HMCN1: variants seen among roughly 807,000 people sequenced by gnomAD.
The protein encoded by HMCN1 is hemicentin 1, also known as hemicentin-1.
A neutral mutation model predicts 625.9 loss-of-function variants in HMCN1; 321 were observed. The observed-to-expected ratio is 0.51, with a 90% CI of 0.47 to 0.56. The LOEUF is 0.56. Ranked by LOEUF, HMCN1 falls within the 20% of genes least tolerant of loss-of-function variation. The pLI is 0.00. For missense variants in HMCN1, 6,588 were observed against 6,887.3 expected, an observed-to-expected ratio of 0.96 and a Z score of 1.54; for synonymous variants, 2,425 against 2,417.6, an observed-to-expected ratio of 1.00 and a Z score of -0.09.
Position 186,130,697 on chromosome 1 carries a change from T to C in HMCN1, c.13230T>C (p.Val4410=), listed in dbSNP as rs1056111038. The C allele has an allele frequency of 1.9e-6, 3 of 1,611,888 alleles. No homozygotes were observed. The highest frequency in any genetic ancestry group is 2.5e-6 in the Non-Finnish European group (3 of 1,179,350). Residue 4410 remains valine (V), a splice_region_variant and synonymous_variant, in exon 85 of 107, where the codon GTT becomes GTC. Transcript: ENST00000271588. ...GCTCCCTGGCCATCTATGGCACTGT[T>C]GTAAGTCACGCCAGAATGATTGATG... ...GNGSLAIYGT[V]NEDAGDYTCV...
chr1:186,120,239 C>T lies in HMCN1; in HGVS notation c.12229+94C>T. On this transcript the variant is annotated intron_variant, in intron 80 of 106. Coordinates refer to ENST00000271588, the MANE Select transcript of HMCN1 (RefSeq NM_031935.3). ...TATCTAAAATGATTATGCTGCTGTT[C>T]CCCCATAGTTCTCGACATTCTTAGT... 3.0e-6 allele frequency: 4 copies of T among 1,343,636 alleles called. 1 individual carries two copies. In the South Asian group the frequency reaches 5.2e-5, roughly 17 times the overall value. 83.2% of individuals were successfully genotyped at this position (1,343,636 alleles called of 1,614,324 possible).
intron 4 of HMCN1, among the ~76,000 whole-genome samples, chr1:185,909,042 C>T (rs1014609101): frequency 5.3e-5 from 8 of 151,910 alleles, no homozygotes; most frequent in African/African-American, 1.9e-4. Flanking sequence ...AGCGAACTGT[C>T]AATAATATCT....
chr1:186,055,694 A>C lies in HMCN1; in HGVS notation c.7144+20A>C. The C allele has an allele frequency of 6.2e-7, 1 of 1,610,586 alleles. No homozygotes were observed. The highest frequency in any genetic ancestry group is 8.5e-7 in the Non-Finnish European group (1 of 1,177,340). ...TCCATGGTAAGTAGAAAGAGGCTCA[A>C]TATGTCCATTCACTGGCTAACGTAA... On this transcript the variant is annotated intron_variant, in intron 45 of 106. Coordinates refer to ENST00000271588, the MANE Select transcript of HMCN1 (RefSeq NM_031935.3).
At position 185,982,403 on chromosome 1, in the gene HMCN1, A is replaced by T; in HGVS notation, c.2790+14A>T. The T allele has an allele frequency of 6.2e-7, 1 of 1,608,166 alleles. No individual in the cohort carries two copies. Among genetic ancestry groups the T allele is most frequent in the Non-Finnish European group, 8.5e-7 (1 of 1,175,214 alleles). On this transcript the variant is annotated intron_variant, in intron 18 of 106. Transcript: ENST00000271588. ...AATTCAGCTATGGTAAGAACATTTT[A>T]AATGCATGCATTCACATTCTTTTGT... is the stretch of plus-strand genomic sequence containing the variant.
chr1:186,029,938 A>G (rs1655315816), intron 36 of HMCN1, among the ~76,000 whole-genome samples: 1 of 152,074 alleles, frequency 6.6e-6, no homozygotes, highest in African/African-American at 2.4e-5. Flanking sequence ...CATTCCTCTC[A>G]AAATATTATC....
At chr1:186,017,629 TG>T (rs1165147911) in intron 33 of HMCN1, among the ~76,000 whole-genome samples, 1 of 152,070 alleles carries the variant, frequency 6.6e-6, no homozygotes, top group Non-Finnish European at 1.5e-5. Context: ...AACTGGAATG[TG>T]AAATTCAGAA....
intron 30 of HMCN1, among the ~76,000 whole-genome samples, chr1:186,013,382 G>A (rs1480348217): frequency 6.6e-6 from 1 of 152,164 alleles, no homozygotes; most frequent in African/African-American, 2.4e-5. Context: ...TTTATAGTAA[G>A]CCTCCTGAGA....
chr1:185,908,272 G>T (rs1666209633), intron 4 of HMCN1, among the ~76,000 whole-genome samples: 1 of 151,716 alleles, frequency 6.6e-6, no homozygotes, highest in East Asian at 1.9e-4. Flanking sequence ...TAAAAATGTT[G>T]CACAGTATTT....
intron 26 of HMCN1, 56 bp from the exon 27 acceptor site, chr1:186,001,240 ACT>A: frequency 2.7e-6 from 4 of 1,482,336 alleles, no homozygotes; most frequent in Non-Finnish European, 3.7e-6. Context: ...TTATAAAGAA[ACT>A]CTATAAATAA....
chr1:185,751,855 G>GC (rs1654837327), intron 1 of HMCN1, among the ~76,000 whole-genome samples: 1 of 150,360 alleles, frequency 6.7e-6, no homozygotes, highest in African/African-American at 2.4e-5. Flanking sequence ...CTTATTTTTT[G>GC]TTTTTTATAA....
At chr1:186,141,176 C>A (rs1486086695) in intron 89 of HMCN1, among the ~76,000 whole-genome samples, 1 of 152,140 alleles carries the variant, frequency 6.6e-6, no homozygotes, top group Non-Finnish European at 1.5e-5. Flanking sequence ...AATGCCACTG[C>A]TGATCTGACA....
At chr1:185,880,121 G>C (rs1664201867) in intron 4 of HMCN1, among the ~76,000 whole-genome samples, 1 of 152,106 alleles carries the variant, frequency 6.6e-6, no homozygotes, top group Non-Finnish European at 1.5e-5. Context: ...TTGGAGATGA[G>C]ACTAGCCTAG....
intron 1 of HMCN1, among the ~76,000 whole-genome samples, chr1:185,758,469 C>G (rs1196515725): frequency 2.0e-5 from 3 of 152,196 alleles, no homozygotes; most frequent in South Asian, 4.1e-4. Context: ...AACTCTGTCT[C>G]TACAAAAAAT....
intron 1 of HMCN1, among the ~76,000 whole-genome samples, chr1:185,789,941 G>A (rs1471372838): frequency 6.6e-6 from 1 of 152,194 alleles, no homozygotes; most frequent in African/African-American, 2.4e-5. Context: ...GTTTAAAAGA[G>A]CTTCAGTACT....
chr1:186,145,349 A>T, intron 91 of HMCN1, 54 bp from the exon 92 acceptor site: 3 of 1,486,842 alleles, frequency 2.0e-6, no homozygotes, highest in Non-Finnish European at 2.7e-6. Flanking sequence ...GTCATTGTTG[A>T]CCACTTCTCA....
intron 30 of HMCN1, among the ~76,000 whole-genome samples, chr1:186,009,178 T>C (rs1472083879): frequency 2.0e-5 from 3 of 152,196 alleles, no homozygotes; most frequent in Non-Finnish European, 4.4e-5. Context: ...TGCACTATTG[T>C]ATTTTTGCCA....
chr1:185,880,631 A>G (rs1251173650), intron 4 of HMCN1, among the ~76,000 whole-genome samples: 2 of 152,198 alleles, frequency 1.3e-5, no homozygotes, highest in Non-Finnish European at 2.9e-5. Context: ...TCCACAAGAG[A>G]AAGACCTGCT....
intron 1 of HMCN1, among the ~76,000 whole-genome samples, chr1:185,843,138 C>G (rs1033476977): frequency 6.6e-6 from 1 of 151,980 alleles, no homozygotes; most frequent in African/African-American, 2.4e-5. Flanking sequence ...TTGTAAACAA[C>G]TAGATAAAAT....
rs1427195627 is a variant in HMCN1 at position 186,052,935 on chromosome 1, T to C, written c.6578-17T>C. The C allele has an allele frequency of 6.3e-7, 1 of 1,587,892 alleles. No homozygotes were observed. Among genetic ancestry groups the C allele is most frequent in the South Asian group, 1.1e-5 (1 of 90,404 alleles). ...ATATGAAATGAGTGGAAAAATCATATTTTTATTTTTTTCTAGTCCCCCCAA... is the reference window on the plus strand; with the variant it reads ...ATATGAAATGAGTGGAAAAATCATACTTTTATTTTTTTCTAGTCCCCCCAA... On this transcript the variant is annotated splice_polypyrimidine_tract_variant and intron_variant, in intron 42 of 106. Transcript: ENST00000271588.
Sources: allele counts gnomAD v4.1 joint callset (sites outside exome capture counted in the v4.1 genomes callset), GRCh38; gene constraint gnomAD v4.1.1; transcripts MANE v1.5; gene names NCBI Gene and HGNC (gene_info 2026-07-23, HGNC 2026-07-21).